CERS5: variants seen among roughly 807,000 people sequenced by gnomAD.
CERS5 encodes the protein ceramide synthase 5, also known as LAG1 homolog, ceramide synthase 5.
CERS5 carries 37 observed loss-of-function variants against 58.9 expected under a neutral mutation model. The observed-to-expected ratio is 0.63, with a 90% CI of 0.48 to 0.83. CERS5 has a LOEUF of 0.83. Ranked by LOEUF, CERS5 falls within the 40% of genes least tolerant of loss-of-function variation. CERS5 has a pLI of 0.00. For synonymous variants in CERS5, 147 were observed against 177.8 expected (o/e 0.83, Z 1.38); for missense variants, 398 against 489.3 (o/e 0.81, Z 1.76).
intron 1 of CERS5, among the ~76,000 whole-genome samples, chr12:50,162,021 C>T (rs553181364): frequency 1.3e-5 from 2 of 150,922 alleles, no homozygotes; most frequent in East Asian, 4.0e-4. Context: ...ACTTAAGGCG[C>T]ATGCCACCAC....
Position 50,130,614 on chromosome 12 carries a change from G to T in CERS5, c.1110C>A (p.Asp370Glu). 1 of 1,613,006 alleles carries T rather than the reference G, an allele frequency of 6.2e-7. No individual in the cohort carries two copies. Among genetic ancestry groups the T allele is most frequent in the Non-Finnish European group, 8.5e-7 (1 of 1,179,070 alleles). The change falls in exon 10 of 10, where the codon GAC (aspartate) becomes GAA (glutamate). Residue 370 changes from aspartate to glutamate, a missense_variant. Asp to Glu is a conservative substitution (Grantham distance 45, BLOSUM62 2). Around this residue, in one of 3 missense-constraint regions of CERS5, gnomAD observed 47 missense variants for 50.2 expected, o/e 0.94. Transcript: ENST00000317551. ...DVTTCTKSPC[D>E]SSSSNGANRV... Reference sequence around the variant, plus strand: ...GATTGGCACCATTGCTGGAGCTACTGTCACAGGGACTTTTTGTGCAGGTGG... The same window carrying T: ...GATTGGCACCATTGCTGGAGCTACTTTCACAGGGACTTTTTGTGCAGGTGG...
At chr12:50,150,164 A>G (rs1387978880) in intron 1 of CERS5, among the ~76,000 whole-genome samples, 1 of 152,216 alleles carries the variant, frequency 6.6e-6, no homozygotes, top group Non-Finnish European at 1.5e-5. Flanking sequence ...GTTTAAGACC[A>G]GTCTGGGCAA....
chr12:50,139,322 A>C (rs900101619), intron 4 of CERS5, among the ~76,000 whole-genome samples: 1 of 151,938 alleles, frequency 6.6e-6, no homozygotes, highest in Non-Finnish European at 1.5e-5. Context: ...TCTACAAAAA[A>C]TACAAAAATT....
At chr12:50,133,466 T>A in intron 9 of CERS5, 4 of 995,714 alleles carry the variant, frequency 4.0e-6, no homozygotes, top group Non-Finnish European at 4.8e-6. Flanking sequence ...TTTAGTTCCT[T>A]ATATAAACCA....
intron 1 of CERS5, among the ~76,000 whole-genome samples, chr12:50,161,237 C>T (rs544051694): frequency 1.1e-4 from 17 of 152,310 alleles, no homozygotes; most frequent in Non-Finnish European, 2.1e-4. Context: ...ATATGCTTAA[C>T]TTATGGTCAG....
At chr12:50,148,923 AAAAAATATATAT>A (rs1442446425) in intron 1 of CERS5, among the ~76,000 whole-genome samples, 1 of 73,716 alleles carries the variant, frequency 1.4e-5, no homozygotes, top group African/African-American at 5.5e-5. Context: ...AAAAAAAAAA[AAAAAATATATAT>A]ATATATATAT....
intron 1 of CERS5, among the ~76,000 whole-genome samples, chr12:50,157,733 C>G (rs1459161925): frequency 6.6e-6 from 1 of 151,964 alleles, no homozygotes; most frequent in East Asian, 1.9e-4. Context: ...AAAAAGAGAT[C>G]AAACCTGAAA....
intron 1 of CERS5, chr12:50,144,873 C>A: frequency 2.8e-6 from 3 of 1,084,138 alleles, no homozygotes; most frequent in Non-Finnish European, 3.9e-6. Flanking sequence ...TGGTGGCTCA[C>A]GCCTGTAATC....
Position 50,167,256 on chromosome 12 carries a change from G to T in CERS5, c.42C>A (p.Gly14=). The change falls in exon 1 of 10, where the codon GGC becomes GGA. Residue 14 remains glycine, a synonymous_variant. Coordinates refer to ENST00000317551, the MANE Select transcript of CERS5 (RefSeq NM_147190.5). The part of the protein sequence containing the change: ...AAQGPLSLLW[G]WLWSERFWLP... ...GCCAGAAGCGCTCGCTCCACAGCCA[G>T]CCCCACAGCAAGCTTAGGGGTCCCT... is the stretch of plus-strand genomic sequence containing the variant. 6.3e-7 allele frequency: 1 copy of T among 1,590,196 alleles called. No homozygotes were observed.
chr12:50,165,694 CT>C (rs1323440751), intron 1 of CERS5: 1 of 214,554 alleles, frequency 4.7e-6, no homozygotes, highest in Non-Finnish European at 9.5e-6. Context: ...CAGATGCTAT[CT>C]TTCAGAAATT....
intron 6 of CERS5, among the ~76,000 whole-genome samples, chr12:50,136,948 T>C (rs1014340439): frequency 1.3e-5 from 2 of 152,240 alleles, no homozygotes; most frequent in Admixed American, 1.3e-4. Context: ...TAAAGTGACC[T>C]GTGTCTTCTG....
At chr12:50,143,680 A>G (rs928972123) in intron 2 of CERS5, 3 of 368,976 alleles carry the variant, frequency 8.1e-6, no homozygotes, top group African/African-American at 2.0e-5. Flanking sequence ...GGAAAAACAA[A>G]AACCAGATAT....
At chr12:50,163,815 G>A (rs1939568721) in intron 1 of CERS5, among the ~76,000 whole-genome samples, 1 of 151,792 alleles carries the variant, frequency 6.6e-6, no homozygotes, top group African/African-American at 2.4e-5. Context: ...ATCACACCCA[G>A]CTAATTTTTA....
intron 5 of CERS5, among the ~76,000 whole-genome samples, 174 bp downstream of exon 5, chr12:50,138,393 A>G (rs1382759276): frequency 7.3e-6 from 1 of 137,060 alleles, no homozygotes; most frequent in Non-Finnish European, 1.5e-5. Flanking sequence ...TATGACTCTT[A>G]GCAGTGGGGG....
chr12:50,164,810 G>C (rs1289018324), intron 1 of CERS5, among the ~76,000 whole-genome samples: 5 of 152,126 alleles, frequency 3.3e-5, no homozygotes, highest in African/African-American at 2.4e-5. Context: ...CAAGAGATAC[G>C]TAAGTTTATA....
chr12:50,139,458 G>T (rs1592355601), intron 4 of CERS5, among the ~76,000 whole-genome samples: 1 of 151,900 alleles, frequency 6.6e-6, no homozygotes, highest in Non-Finnish European at 1.5e-5. Context: ...ACTTCAGCCT[G>T]GGTGACAGAG....
intron 1 of CERS5, chr12:50,154,130 A>G: frequency 7.7e-6 from 2 of 259,552 alleles, no homozygotes; most frequent in Non-Finnish European, 1.6e-5. Context: ...CGAGGCAGGC[A>G]GATCACGAGG....
rs898842099 is a variant in CERS5 at position 50,167,029 on chromosome 12, C to G, written c.197+72G>C. 3.2e-6 allele frequency: 4 copies of G among 1,233,690 alleles called. No homozygotes were observed. In the African/African-American group the frequency reaches 6.4e-5, roughly 20 times the overall value. The allele number at this position is 1,233,690 out of a possible 1,614,324, so 76.4% of individuals were successfully genotyped here. A position where few individuals can be genotyped will look rare whatever the true frequency, so the allele number is the denominator to read the frequency against. The stretch of plus-strand genomic sequence containing the variant: ...TTTCCTTGCAGTTCTGCTTCCGGCC[C>G]TCGGCCCTTCCCACAGCGGGGCGCC... On this transcript the variant is annotated intron_variant, in intron 1 of 9. Transcript: ENST00000317551.
At position 50,167,194 on chromosome 12, in the gene CERS5, G is replaced by A. The variant is rs1272087450; in HGVS notation, c.104C>T (p.Pro35Leu). ...ENVSWADLEGPADGYGYPRGR... is the reference protein window; with the variant it reads ...ENVSWADLEGLADGYGYPRGR... ...GCGGGGGTAACCGTAGCCGTCGGCC[G>A]GCCCCTCCAGATCAGCCCAGCTCAC... The change falls in exon 1 of 10, where the codon CCG (proline) becomes CTG (leucine). Residue 35 changes from proline (P) to leucine (L), a missense_variant. Coordinates refer to ENST00000317551, the MANE Select transcript of CERS5 (RefSeq NM_147190.5). 3 of 1,605,800 alleles carry A rather than the reference G, an allele frequency of 1.9e-6. No individual in the cohort carries two copies. The highest frequency in any genetic ancestry group is 1.7e-5 in the Admixed American group (1 of 59,532).
Sources: allele counts gnomAD v4.1 joint callset (sites outside exome capture counted in the v4.1 genomes callset), GRCh38; gene constraint gnomAD v4.1.1; regional missense constraint gnomAD v4.1.1; transcripts MANE v1.5; gene names NCBI Gene and HGNC (gene_info 2026-07-23, HGNC 2026-07-21).